ATP6V0A4: variants seen among roughly 807,000 people sequenced by gnomAD.
ATP6V0A4 encodes the protein ATPase H+ transporting V0 subunit a4.
Under a neutral mutation model 107.3 loss-of-function variants are expected in ATP6V0A4, and 86 were observed. The ratio of observed to expected loss-of-function variants is 0.80; its 90% confidence interval spans 0.67 to 0.96. ATP6V0A4 has a LOEUF of 0.96. ATP6V0A4 is among the 40% of genes least tolerant of loss of function. The pLI is 0.00. For synonymous variants in ATP6V0A4, 353 were observed against 381.4 expected (o/e 0.93, Z 0.87); for missense variants, 908 against 1,045.6 (o/e 0.87, Z 1.81).
intron 19 of ATP6V0A4, among the ~76,000 whole-genome samples, chr7:138,721,400 G>A (rs1483593797): frequency 6.6e-6 from 1 of 152,110 alleles, no homozygotes; most frequent in African/African-American, 2.4e-5. Flanking sequence ...TTAACCGGGT[G>A]CAGTGGCGGA....
intron 3 of ATP6V0A4, 21 bp downstream of exon 3, chr7:138,771,110 T>C (rs1807359035): frequency 6.2e-7 from 1 of 1,610,630 alleles, no homozygotes; most frequent in East Asian, 2.2e-5. Flanking sequence ...TCCTCTTATC[T>C]CCAAAGAACT....
At chr7:138,780,833 A>G (rs1241730416) in intron 2 of ATP6V0A4, among the ~76,000 whole-genome samples, 1 of 152,116 alleles carries the variant, frequency 6.6e-6, no homozygotes, top group African/African-American at 2.4e-5. Context: ...TGATCCCAGG[A>G]GGTTGAGACT....
intron 14 of ATP6V0A4, 137 bp from the exon 15 acceptor site, chr7:138,739,770 A>G: frequency 7.1e-7 from 1 of 1,413,338 alleles, no homozygotes; most frequent in Non-Finnish European, 9.6e-7. Flanking sequence ...TTCAATATCT[A>G]CTACACATCA....
chr7:138,785,743 GCACA>G (rs147185517), intron 2 of ATP6V0A4, among the ~76,000 whole-genome samples: 2 of 150,434 alleles, frequency 1.3e-5, no homozygotes, highest in African/African-American at 2.4e-5. Context: ...GCACACACAC[GCACA>G]CACACACACA....
At chr7:138,758,739 A>ATT (rs398006555) in intron 8 of ATP6V0A4, among the ~76,000 whole-genome samples, 1 of 59,174 alleles carries the variant, frequency 1.7e-5, no homozygotes, top group Non-Finnish European at 2.9e-5. Flanking sequence ...CTGACTCAGA[A>ATT]TTTTTTTTTT....
intron 11 of ATP6V0A4, among the ~76,000 whole-genome samples, chr7:138,751,496 C>T (rs963288110): frequency 6.6e-6 from 1 of 151,506 alleles, no homozygotes; most frequent in African/African-American, 2.4e-5. Flanking sequence ...AACAAGCCCC[C>T]ACTCTCCATC....
chr7:138,785,432 C>G (rs113747624), intron 2 of ATP6V0A4, among the ~76,000 whole-genome samples: 4 of 151,932 alleles, frequency 2.6e-5, no homozygotes, highest in Admixed American at 2.6e-4. Flanking sequence ...TGCACCACCA[C>G]GCCCGGTTAA....
At chr7:138,739,787 G>T in intron 14 of ATP6V0A4, 154 bp from the exon 15 acceptor site, 2 of 790,986 alleles carry the variant, frequency 2.5e-6, no homozygotes, top group Non-Finnish European at 3.1e-6. Context: ...ATCAAGTATT[G>T]TCCTAAACAC....
At chr7:138,716,577 G>T (rs35252659) in intron 19 of ATP6V0A4, among the ~76,000 whole-genome samples, 20,972 of 115,598 alleles carry the variant, frequency 0.18, 1,617 homozygotes, top group African/African-American at 0.26. Flanking sequence ...TTTTTTTTTG[G>T]GGGGGGGGGA....
chr7:138,788,196 C>T (rs574008736), intron 1 of ATP6V0A4, among the ~76,000 whole-genome samples: 4 of 152,160 alleles, frequency 2.6e-5, no homozygotes, highest in African/African-American at 9.7e-5. Context: ...TACAAACCTG[C>T]AGCTTATTTC....
intron 2 of ATP6V0A4, among the ~76,000 whole-genome samples, chr7:138,775,059 C>T (rs1334338148): frequency 6.6e-6 from 1 of 152,142 alleles, no homozygotes; most frequent in Non-Finnish European, 1.5e-5. Flanking sequence ...ATGAGCTTTG[C>T]TTCTCCAGGG....
intron 11 of ATP6V0A4, among the ~76,000 whole-genome samples, chr7:138,751,901 G>A (rs1806246540): frequency 6.6e-6 from 1 of 152,172 alleles, no homozygotes; most frequent in African/African-American, 2.4e-5. Flanking sequence ...CACTTGGGAG[G>A]CTGAGATGGG....
chr7:138,749,509 A>C, intron 11 of ATP6V0A4, 192 bp from the exon 12 acceptor site: 5 of 179,072 alleles, frequency 2.8e-5, no homozygotes, highest in Non-Finnish European at 4.3e-5. Flanking sequence ...AATTCATCTC[A>C]TGGGAGGGCT....
intron 1 of ATP6V0A4, among the ~76,000 whole-genome samples, chr7:138,789,472 T>C (rs1479822837): frequency 1.3e-5 from 2 of 151,508 alleles, no homozygotes; most frequent in Non-Finnish European, 2.9e-5. Flanking sequence ...GGTCTTGAAC[T>C]CCTGACCTCA....
intron 10 of ATP6V0A4, among the ~76,000 whole-genome samples, chr7:138,754,247 G>C (rs1001223311): frequency 6.6e-6 from 1 of 151,920 alleles, no homozygotes; most frequent in African/African-American, 2.4e-5. Flanking sequence ...TCGGGAGTTC[G>C]AGACCAGCCT....
At chr7:138,707,220 GAATATATTATAT>G (rs1273218738) in intron 21 of ATP6V0A4, among the ~76,000 whole-genome samples, 1 of 49,334 alleles carries the variant, frequency 2.0e-5, no homozygotes, top group Non-Finnish European at 3.4e-5. Flanking sequence ...ATATTATATA[GAATATATTATAT>G]AATATATATT....
intron 3 of ATP6V0A4, among the ~76,000 whole-genome samples, chr7:138,770,297 T>C (rs1807317943): frequency 6.6e-6 from 1 of 151,504 alleles, no homozygotes; most frequent in South Asian, 2.1e-4. Context: ...GGAAAGGAAG[T>C]CTGTCCTCAT....
intron 9 of ATP6V0A4, among the ~76,000 whole-genome samples, chr7:138,756,142 G>A (rs941892538): frequency 2.0e-5 from 3 of 152,152 alleles, no homozygotes; most frequent in African/African-American, 4.8e-5. Flanking sequence ...CATGTAACAC[G>A]ATTCTGTAAA....
In ATP6V0A4 at chr7:138,779,345, C is replaced by A. The variant is rs549212630; in HGVS notation, c.-18+6813G>T. Among the ~76,000 whole-genome samples, 383 of 145,944 alleles carry A rather than the reference C, an allele frequency of 2.6e-3. 1 individual carries two copies. Among genetic ancestry groups the A allele is most frequent in the Non-Finnish European group, 4.1e-3 (277 of 66,818 alleles). Reference sequence around the variant, plus strand: ...CCTGGGTGACAAAGTGAGACCCTATCTTAAAAAAAAATAAATAAATAAAAG... The same window carrying A: ...CCTGGGTGACAAAGTGAGACCCTATATTAAAAAAAAATAAATAAATAAAAG... On this transcript the variant is annotated intron_variant, in intron 2 of 21. Coordinates refer to ENST00000310018, the MANE Select transcript of ATP6V0A4 (RefSeq NM_020632.3).
Sources: gnomAD v4.1 joint callset for allele counts (sites outside exome capture counted in the v4.1 genomes callset) on GRCh38, gnomAD v4.1.1 for gene constraint, MANE v1.5 for transcripts, NCBI Gene and HGNC (gene_info 2026-07-23, HGNC 2026-07-21) for gene names.